KDELR2: variants seen among roughly 807,000 people sequenced by gnomAD.
The protein encoded by KDELR2 is ER lumen protein-retaining receptor 2.
In KDELR2, 15 loss-of-function variants were observed where a neutral mutation model predicts 23.9. The observed-to-expected ratio is 0.63, with a 90% CI of 0.42 to 0.97. The LOEUF (loss-of-function observed/expected upper bound fraction) is 0.97, where lower values mean the gene tolerates loss of function less well. Among genes scored for constraint, KDELR2 ranks in the 50% least tolerant of loss-of-function variants. The pLI is 0.00. For missense variants in KDELR2, 272 were observed against 254.6 expected (o/e 1.07, Z -0.46); for synonymous variants, 119 against 106.2 (o/e 1.12, Z -0.74).
chr7:6,473,732 T>A (rs1263954897), intron 2 of KDELR2, among the ~76,000 whole-genome samples: 2 of 152,164 alleles, frequency 1.3e-5, no homozygotes, highest in Admixed American at 1.3e-4. Context: ...AGAAAAAAGA[T>A]AGAAGCCTAT....
chr7:6,463,701 C>T (rs1171634587), intron 4 of KDELR2, among the ~76,000 whole-genome samples: 1 of 151,466 alleles, frequency 6.6e-6, no homozygotes, highest in African/African-American at 2.4e-5. Context: ...GATCACACCA[C>T]TGCATTCTTG....
chr7:6,480,513 C>T (rs995564309), intron 1 of KDELR2, among the ~76,000 whole-genome samples: 9 of 152,270 alleles, frequency 5.9e-5, no homozygotes, highest in African/African-American at 9.6e-5. Context: ...CACTTTAAAA[C>T]GGTCCTTAAA....
At chr7:6,473,092 T>TTA (rs1785687345) in intron 2 of KDELR2, among the ~76,000 whole-genome samples, 1 of 144,634 alleles carries the variant, frequency 6.9e-6, no homozygotes. Flanking sequence ...ATTTTTTTTT[T>TTA]TTTTTTTTTT....
chr7:6,480,825 G>C (rs1232883883), intron 1 of KDELR2, among the ~76,000 whole-genome samples: 3 of 152,122 alleles, frequency 2.0e-5, no homozygotes, highest in Non-Finnish European at 4.4e-5. Flanking sequence ...AAAGCAGCTT[G>C]TCAAAGTTAG....
At position 6,475,564 on chromosome 7, in the gene KDELR2, A is replaced by G. The variant is rs569557062; in HGVS notation, c.92-1280T>C. 2.0e-5 allele frequency among the ~76,000 whole-genome samples: 3 copies of G among 152,248 alleles called. No individual in the cohort carries two copies. In the South Asian group the frequency reaches 6.2e-4, roughly 32 times the overall value. On this transcript the variant is annotated intron_variant, in intron 1 of 4. Transcript: ENST00000258739. Reference sequence around the variant, plus strand: ...AGCAGCTGTCTTTTTTAAAGCCTTGAAACTGTGTTTCCACTTCCAACCACC... The same window carrying G: ...AGCAGCTGTCTTTTTTAAAGCCTTGGAACTGTGTTTCCACTTCCAACCACC...
chr7:6,471,698 G>T (rs1027694172), intron 2 of KDELR2, among the ~76,000 whole-genome samples: 9 of 152,096 alleles, frequency 5.9e-5, no homozygotes, highest in Admixed American at 1.3e-4. Flanking sequence ...TTATAGCTGC[G>T]TCCATTGGTG....
intron 1 of KDELR2, among the ~76,000 whole-genome samples, chr7:6,477,729 T>C (rs575317796): frequency 1.6e-4 from 25 of 152,222 alleles, no homozygotes; most frequent in Non-Finnish European, 3.5e-4. Context: ...GGTGCAATCA[T>C]AGCTTCCAGC....
At chr7:6,477,638 C>T (rs916059249) in intron 1 of KDELR2, among the ~76,000 whole-genome samples, 6 of 152,212 alleles carry the variant, frequency 3.9e-5, no homozygotes, top group Admixed American at 3.9e-4. Flanking sequence ...TCTTATCCTA[C>T]TGGGCCAGGT....
chr7:6,464,377 G>A (rs559489898), intron 4 of KDELR2, among the ~76,000 whole-genome samples: 1 of 151,966 alleles, frequency 6.6e-6, no homozygotes, highest in South Asian at 2.1e-4. Flanking sequence ...AAATTAGCCG[G>A]GCGTGGTGGT....
chr7:6,482,159 C>T (rs991607808), intron 1 of KDELR2, among the ~76,000 whole-genome samples: 6 of 152,074 alleles, frequency 3.9e-5, no homozygotes, highest in South Asian at 2.1e-4. Context: ...TGCACCACCA[C>T]GCCCGGCTAA....
intron 4 of KDELR2, 106 bp from the exon 5 acceptor site, chr7:6,463,281 A>G: frequency 6.0e-6 from 5 of 827,352 alleles, no homozygotes; most frequent in East Asian, 2.5e-5. Flanking sequence ...GATTCTACAT[A>G]GTAAGGTATA....
chr7:6,462,186 TAAA>T lies in KDELR2; in HGVS notation c.*952_*954del, dbSNP rs1024570722. The T allele has an allele frequency of 1.8e-5, 1 of 56,050 alleles. No individual in the cohort carries two copies. The highest frequency in any genetic ancestry group is 5.9e-5 in the African/African-American group (1 of 16,842). 3.5% of individuals were successfully genotyped at this position (56,050 alleles called of 1,614,324 possible). A position where few individuals can be genotyped will look rare whatever the true frequency, so the allele number is the denominator to read the frequency against. Reference sequence around the variant, plus strand: ...AGGAATGGTTAGTGGTGCTGCCAATTAAAAAAAAAACTGTAATTAAATCATCTT... The same window carrying T: ...AGGAATGGTTAGTGGTGCTGCCAATTAAAAAAACTGTAATTAAATCATCTT... On this transcript the variant is annotated 3_prime_UTR_variant, in exon 5 of 5. Transcript: ENST00000258739.
At chr7:6,481,581 G>T (rs545296891) in intron 1 of KDELR2, among the ~76,000 whole-genome samples, 2 of 152,136 alleles carry the variant, frequency 1.3e-5, no homozygotes, top group Non-Finnish European at 2.9e-5. Flanking sequence ...ACATCGCCGG[G>T]CACTGTGGCT....
At chr7:6,479,470 T>G (rs1335323594) in intron 1 of KDELR2, among the ~76,000 whole-genome samples, 1 of 152,026 alleles carries the variant, frequency 6.6e-6, no homozygotes, top group East Asian at 1.9e-4. Flanking sequence ...CAAAAACTTT[T>G]TTTTTGTTTG....
At chr7:6,476,168 A>C (rs1785748029) in intron 1 of KDELR2, among the ~76,000 whole-genome samples, 1 of 152,242 alleles carries the variant, frequency 6.6e-6, no homozygotes, top group African/African-American at 2.4e-5. Flanking sequence ...TAAGAATGTT[A>C]CTTTCTCAGA....
At chr7:6,471,370 C>T (rs778398708) in intron 2 of KDELR2, among the ~76,000 whole-genome samples, 14 of 151,664 alleles carry the variant, frequency 9.2e-5, no homozygotes, top group Admixed American at 3.3e-4. Flanking sequence ...GTAGTAGAGA[C>T]GGGGTTTCCA....
At chr7:6,463,419 C>T (rs1169750614) in intron 4 of KDELR2, among the ~76,000 whole-genome samples, 1 of 151,994 alleles carries the variant, frequency 6.6e-6, no homozygotes, top group Non-Finnish European at 1.5e-5. Context: ...TGTAGGGAGG[C>T]CTATGAAATT....
At chr7:6,464,718 A>G (rs1785463532) in intron 4 of KDELR2, among the ~76,000 whole-genome samples, 1 of 145,474 alleles carries the variant, frequency 6.9e-6, no homozygotes, top group African/African-American at 2.5e-5. Context: ...GATAAGACAT[A>G]TATGCTCTTT....
chr7:6,470,880 C>T (rs528653530), intron 2 of KDELR2, among the ~76,000 whole-genome samples: 12 of 151,934 alleles, frequency 7.9e-5, no homozygotes, highest in South Asian at 6.3e-4. Flanking sequence ...TCTGGGAGGC[C>T]GAGGCAGGCG....
Sources: allele counts gnomAD v4.1 joint callset (sites outside exome capture counted in the v4.1 genomes callset), GRCh38; gene constraint gnomAD v4.1.1; transcripts MANE v1.5; gene names NCBI Gene and HGNC (gene_info 2026-07-23, HGNC 2026-07-21).